The following ENOX2 variants were observed in gnomAD, a reference collection of about 807,000 sequenced individuals.
ENOX2 encodes APK1 antigen.
A neutral mutation model predicts 45.0 loss-of-function variants in ENOX2; 36 were observed. The ratio of observed to expected loss-of-function variants is 0.80; its 90% confidence interval spans 0.61 to 1.06. The LOEUF is 1.06. Among genes scored for constraint, ENOX2 ranks in the 50% least tolerant of loss-of-function variants. ENOX2 has a pLI of 0.00. For synonymous variants in ENOX2, 174 were observed against 152.3 expected (o/e 1.14, Z -1.05); for missense variants, 423 against 462.5 (o/e 0.91, Z 0.78).
intron 2 of ENOX2, among the ~76,000 whole-genome samples, chrX:130,839,976 C>T (rs888426527): frequency 1.8e-5 from 2 of 111,539 alleles, no homozygotes; most frequent in African/African-American, 6.5e-5. Flanking sequence ...GGGCTGACAT[C>T]TTGGATAGGC....
chrX:130,735,244 C>A (rs2038832240), intron 3 of ENOX2, among the ~76,000 whole-genome samples: 1 of 112,170 alleles, frequency 8.9e-6, no homozygotes, highest in Non-Finnish European at 1.9e-5. Flanking sequence ...GAAATTTGAT[C>A]CTGTTAGAAG....
intron 2 of ENOX2, among the ~76,000 whole-genome samples, chrX:130,840,403 A>G (rs750726557): frequency 1.5e-3 from 165 of 110,247 alleles, no homozygotes; most frequent in Non-Finnish European, 2.6e-3. Context: ...TAAACAACTC[A>G]CAACCAATTA....
chrX:130,625,640 T>G (rs2035524357), intron 14 of ENOX2, among the ~76,000 whole-genome samples, 195 bp from the exon 15 acceptor site: 1 of 111,678 alleles, frequency 9.0e-6, no homozygotes, highest in African/African-American at 3.3e-5. Flanking sequence ...GCTGTGACCA[T>G]CAGACAGGGT....
At chrX:130,798,055 C>T (rs1013901711) in intron 2 of ENOX2, among the ~76,000 whole-genome samples, 1 of 111,230 alleles carries the variant, frequency 9.0e-6, no homozygotes, top group Non-Finnish European at 1.9e-5. Context: ...GAAAACAATG[C>T]CTGGACTCTA....
At chrX:130,687,717 T>C (rs1356298383) in intron 5 of ENOX2, among the ~76,000 whole-genome samples, 1 of 112,136 alleles carries the variant, frequency 8.9e-6, no homozygotes, top group East Asian at 2.8e-4. Context: ...TCTGGAAGGA[T>C]GTATCTTGTT....
At chrX:130,902,578 T>C (rs1328281070) in intron 1 of ENOX2, among the ~76,000 whole-genome samples, 1 of 108,515 alleles carries the variant, frequency 9.2e-6, no homozygotes. Context: ...GGAATTCCCA[T>C]GCCCCAAAGA....
intron 2 of ENOX2, among the ~76,000 whole-genome samples, chrX:130,841,189 G>A (rs2078009937): frequency 2.7e-5 from 3 of 111,784 alleles, no homozygotes; most frequent in African/African-American, 3.3e-5. Context: ...GGGAGTTACT[G>A]TATTATTTTG....
intron 10 of ENOX2, among the ~76,000 whole-genome samples, chrX:130,653,234 C>T (rs1483874637): frequency 8.9e-6 from 1 of 111,854 alleles, no homozygotes; most frequent in Non-Finnish European, 1.9e-5. Context: ...TCACTCCGGT[C>T]CCACCCTTCA....
chrX:130,856,977 G>C (rs2078318827), intron 2 of ENOX2, among the ~76,000 whole-genome samples: 1 of 111,848 alleles, frequency 8.9e-6, no homozygotes, highest in Non-Finnish European at 1.9e-5. Flanking sequence ...GCAGTGCGTA[G>C]AGTGGAATAT....
intron 2 of ENOX2, among the ~76,000 whole-genome samples, chrX:130,844,705 G>A (rs768146078): frequency 4.5e-5 from 5 of 112,189 alleles, no homozygotes; most frequent in Non-Finnish European, 9.4e-5. Context: ...CATTGAAAAG[G>A]AAGGGAGATA....
At chrX:130,729,245 T>C (rs1246660663) in intron 3 of ENOX2, among the ~76,000 whole-genome samples, 1 of 111,990 alleles carries the variant, frequency 8.9e-6, no homozygotes, top group Non-Finnish European at 1.9e-5. Flanking sequence ...TCCATGGACA[T>C]ATGTATAGAA....
At chrX:130,874,663 T>C (rs1287764590) in intron 2 of ENOX2, among the ~76,000 whole-genome samples, 3 of 112,336 alleles carry the variant, frequency 2.7e-5, no homozygotes, top group African/African-American at 9.7e-5. Context: ...TAACATTCTA[T>C]TCCATTATCA....
At chrX:130,681,944 G>C (rs1019965182) in intron 5 of ENOX2, among the ~76,000 whole-genome samples, 1 of 109,575 alleles carries the variant, frequency 9.1e-6, no homozygotes, top group Non-Finnish European at 1.9e-5. Context: ...CTGGGTTTGA[G>C]AAGGAACCAC....
chrX:130,669,905 T>A, intron 7 of ENOX2, 60 bp downstream of exon 7: 1 of 831,330 alleles, frequency 1.2e-6, no homozygotes. Flanking sequence ...CAATTATATT[T>A]ATGACACTTC....
At chrX:130,880,254 T>C (rs140382849) in intron 2 of ENOX2, among the ~76,000 whole-genome samples, 1 of 111,935 alleles carries the variant, frequency 8.9e-6, no homozygotes, top group Non-Finnish European at 1.9e-5. Flanking sequence ...AACTGGGATC[T>C]AGGCAACAGA....
chrX:130,871,901 A>T (rs2078600192), intron 2 of ENOX2, among the ~76,000 whole-genome samples: 1 of 112,076 alleles, frequency 8.9e-6, no homozygotes, highest in Non-Finnish European at 1.9e-5. Context: ...ATCTTAAAAG[A>T]GGAGGTCATG....
At chrX:130,773,584 T>C (rs1375298802) in intron 3 of ENOX2, among the ~76,000 whole-genome samples, 1 of 111,740 alleles carries the variant, frequency 8.9e-6, no homozygotes, top group East Asian at 2.8e-4. Context: ...TTGAATCAAA[T>C]ATGCAGAAGA....
rs1268229284 is a variant in ENOX2 at position 130,781,802 on chromosome X, T to C, written c.-39+1745A>G. Among the ~76,000 whole-genome samples, 6 of 111,136 alleles carry C rather than the reference T, an allele frequency of 5.4e-5. No homozygotes were observed. The East Asian group carries it at 1.4e-3, about 26-fold the overall frequency. ...GGTTTTGTTGTTGTTGTTGTTGTTG[T>C]TGTTCTTAATTCAGTAGAAGGAGAA... On this transcript the variant is annotated intron_variant, in intron 3 of 14. Coordinates refer to ENST00000394363, the MANE Select transcript of ENOX2 (RefSeq NM_006375.4).
rs2035975838 is a variant in ENOX2, at chrX:130,637,976, T to C, written c.1130-566A>G. Among the ~76,000 whole-genome samples the C allele has an allele frequency of 2.7e-5, 3 of 111,308 alleles. No individual in the cohort carries two copies. The South Asian group carries it at 1.1e-3, about 43-fold the overall frequency. On this transcript the variant is annotated intron_variant, in intron 10 of 14. Transcript: ENST00000394363. ...CATGGTTATGGGAGGCACACAAATA[T>C]GGGGGCCCGGAAAAAGAAATACAAG...
Sources: allele counts gnomAD v4.1 joint callset (sites outside exome capture counted in the v4.1 genomes callset), GRCh38; gene constraint gnomAD v4.1.1; transcripts MANE v1.5; gene names NCBI Gene and HGNC (gene_info 2026-07-23, HGNC 2026-07-21).